The following ST6GALNAC3 variants were observed in gnomAD, a reference collection of about 807,000 sequenced individuals.
ST6GALNAC3 encodes alpha-N-acetylgalactosaminide alpha-2,6-sialyltransferase 3.
A neutral mutation model predicts 32.7 loss-of-function variants in ST6GALNAC3; 25 were observed. The ratio of observed to expected loss-of-function variants is 0.76; its 90% CI spans 0.56 to 1.07. The LOEUF is 1.07. Among genes scored for constraint, ST6GALNAC3 ranks in the 50% least tolerant of loss-of-function variants. The probability of loss-of-function intolerance (pLI) is 0.00; values close to 1 mark genes in which losing one functional copy is unlikely to be tolerated. For missense variants in ST6GALNAC3, 355 were observed against 382.4 expected (o/e 0.93, Z 0.60); for synonymous variants, 129 against 133.1 (o/e 0.97, Z 0.21).
chr1:76,559,938 A>C (rs1665150018), intron 3 of ST6GALNAC3, among the ~76,000 whole-genome samples: 1 of 152,182 alleles, frequency 6.6e-6, no homozygotes, highest in Admixed American at 6.5e-5. Context: ...CAAGGATAGC[A>C]TAAAGATCAT....
rs184401987 is a variant in ST6GALNAC3 at position 76,292,756 on chromosome 1, C to T, written c.19-21049C>T. 7.4e-4 allele frequency among the ~76,000 whole-genome samples: 112 copies of T among 152,274 alleles called. 1 individual carries two copies. Among genetic ancestry groups the T allele is most frequent in the Non-Finnish European group, 7.4e-5 (5 of 68,020 alleles). ...ATGTTTATTACTGGACTCTGGGCTC[C>T]TTGAATGCGATTCTGTGCCCTTTTC... On this transcript the variant is annotated intron_variant, in intron 1 of 4. Transcript: ENST00000328299.
chr1:76,320,959 T>C (rs1274983927), intron 2 of ST6GALNAC3, among the ~76,000 whole-genome samples: 1 of 148,338 alleles, frequency 6.7e-6, no homozygotes, highest in Non-Finnish European at 1.5e-5. Context: ...AAATGGTATA[T>C]ATATACACAC....
intron 2 of ST6GALNAC3, among the ~76,000 whole-genome samples, chr1:76,391,607 C>CTTCCT (rs1171933365): frequency 6.6e-6 from 1 of 150,646 alleles, no homozygotes; most frequent in Non-Finnish European, 1.5e-5. Flanking sequence ...TTCCCCTTCC[C>CTTCCT]TTCCCTTCCT....
chr1:76,513,006 A>G (rs1268506277), intron 3 of ST6GALNAC3, among the ~76,000 whole-genome samples: 1 of 151,052 alleles, frequency 6.6e-6, no homozygotes, highest in Non-Finnish European at 1.5e-5. Context: ...TCTTTTGTTT[A>G]AGTCCCTAAT....
chr1:76,138,123 A>G (rs1033408183), intron 1 of ST6GALNAC3, among the ~76,000 whole-genome samples: 4 of 152,240 alleles, frequency 2.6e-5, no homozygotes, highest in African/African-American at 4.8e-5. Context: ...TCAAAGACCT[A>G]ACAGTCTAGT....
intron 3 of ST6GALNAC3, among the ~76,000 whole-genome samples, chr1:76,611,082 T>TGTAC (rs1647901177): frequency 6.6e-6 from 1 of 151,658 alleles, no homozygotes; most frequent in Non-Finnish European, 1.5e-5. Flanking sequence ...TATATATATA[T>TGTAC]ACACACACAC....
At chr1:76,118,918 G>A (rs1401678391) in intron 1 of ST6GALNAC3, among the ~76,000 whole-genome samples, 1 of 152,178 alleles carries the variant, frequency 6.6e-6, no homozygotes, top group Non-Finnish European at 1.5e-5. Context: ...TGTCTCCCGG[G>A]TTCAAGCAAT....
intron 1 of ST6GALNAC3, among the ~76,000 whole-genome samples, chr1:76,224,988 C>T (rs1655985528): frequency 6.6e-6 from 1 of 152,032 alleles, no homozygotes; most frequent in Admixed American, 6.6e-5. Context: ...TGGGAGCTAC[C>T]TAGGCAGATG....
At chr1:76,507,731 T>G (rs985215590) in intron 3 of ST6GALNAC3, among the ~76,000 whole-genome samples, 2 of 152,184 alleles carry the variant, frequency 1.3e-5, no homozygotes, top group Non-Finnish European at 2.9e-5. Flanking sequence ...CATGTGGTTA[T>G]GAACATTCCT....
intron 1 of ST6GALNAC3, among the ~76,000 whole-genome samples, chr1:76,130,142 C>T (rs1054204340): frequency 6.6e-6 from 1 of 152,206 alleles, no homozygotes; most frequent in African/African-American, 2.4e-5. Context: ...GGAGCATATA[C>T]ATGAGTGATA....
intron 3 of ST6GALNAC3, among the ~76,000 whole-genome samples, chr1:76,483,396 G>A (rs1659872433): frequency 6.6e-6 from 1 of 152,122 alleles, no homozygotes; most frequent in South Asian, 2.1e-4. Flanking sequence ...GTTCTTTCCT[G>A]ATTTTTTAAT....
intron 3 of ST6GALNAC3, among the ~76,000 whole-genome samples, chr1:76,527,285 T>C (rs1662971338): frequency 6.6e-6 from 1 of 152,084 alleles, no homozygotes; most frequent in Non-Finnish European, 1.5e-5. Flanking sequence ...ACTTGATGAA[T>C]CTGATGGGTT....
chr1:76,410,550 A>C (rs1654163199), intron 2 of ST6GALNAC3, among the ~76,000 whole-genome samples: 1 of 151,996 alleles, frequency 6.6e-6, no homozygotes, highest in African/African-American at 2.4e-5. Flanking sequence ...TAGTTTATTT[A>C]TTGCCTTTCT....
At chr1:76,119,590 A>T (rs1207569835) in intron 1 of ST6GALNAC3, among the ~76,000 whole-genome samples, 5 of 152,202 alleles carry the variant, frequency 3.3e-5, no homozygotes, top group African/African-American at 1.2e-4. Context: ...AAATATTTTA[A>T]GTCTGTCAGG....
At chr1:76,139,302 A>C (rs1324579033) in intron 1 of ST6GALNAC3, among the ~76,000 whole-genome samples, 1 of 152,154 alleles carries the variant, frequency 6.6e-6, no homozygotes, top group Non-Finnish European at 1.5e-5. Context: ...ACATACATTC[A>C]CAACTCATAC....
At chr1:76,382,383 A>G (rs1651777916) in intron 2 of ST6GALNAC3, among the ~76,000 whole-genome samples, 1 of 152,224 alleles carries the variant, frequency 6.6e-6, no homozygotes, top group South Asian at 2.1e-4. Context: ...TGATTATTTC[A>G]CAACTGGAAT....
intron 1 of ST6GALNAC3, among the ~76,000 whole-genome samples, chr1:76,209,820 C>T (rs1489659291): frequency 4.6e-5 from 7 of 152,286 alleles, no homozygotes; most frequent in South Asian, 2.1e-4. Flanking sequence ...GTGCAGCCCC[C>T]GGGCCACCCT....
downstream of ST6GALNAC3, chr1:76,634,685 A>ATTTTTTTTTTTTTTTT (rs755148916): frequency 2.1e-5 from 1 of 47,340 alleles, no homozygotes. Flanking sequence ...GCGGTATGGG[A>ATTTTTTTTTTTTTTTT]TTTTTTTTTT....
chr1:76,407,962 G>A (rs1653951936), intron 2 of ST6GALNAC3, among the ~76,000 whole-genome samples: 1 of 152,036 alleles, frequency 6.6e-6, no homozygotes, highest in African/African-American at 2.4e-5. Context: ...AAAAGACGTA[G>A]TAATAAAGCT....
Sources: gnomAD v4.1 joint callset for allele counts (sites outside exome capture counted in the v4.1 genomes callset) on GRCh38, gnomAD v4.1.1 for gene constraint, MANE v1.5 for transcripts, NCBI Gene and HGNC (gene_info 2026-07-23, HGNC 2026-07-21) for gene names.